TUBGCP4: variants seen among roughly 807,000 people sequenced by gnomAD.
TUBGCP4 encodes the protein gamma-tubulin complex component 4.
Under a neutral mutation model 91.6 loss-of-function variants are expected in TUBGCP4, and 54 were observed. The ratio of observed to expected loss-of-function variants is 0.59; its 90% CI spans 0.47 to 0.74. TUBGCP4 has a LOEUF of 0.74. TUBGCP4 is among the 30% of genes least tolerant of loss of function. The pLI is 0.00. For synonymous variants in TUBGCP4, 297 were observed against 302.8 expected (o/e 0.98, Z 0.20); for missense variants, 593 against 800.9 (o/e 0.74, Z 3.13).
Position 43,385,944 on chromosome 15 carries a change from C to T in TUBGCP4, c.877C>T (p.Leu293=). 1.2e-6 allele frequency: 2 copies of T among 1,614,006 alleles called. No individual in the cohort carries two copies. Among genetic ancestry groups the T allele is most frequent in the South Asian group, 2.2e-5 (2 of 91,056 alleles). The change falls in exon 8 of 18, where the codon CTG becomes TTG. Residue 293 remains leucine, a synonymous_variant. Transcript: ENST00000564079. ...VQMFENQNVN[L]TRKGSILKNQ... is the part of the protein sequence containing the mutation. ...GATGTTTGAGAATCAAAATGTGAAC[C>T]TGACTAGAAAAGGTAGAAATCTCCT... is the stretch of plus-strand genomic sequence containing the variant.
At chr15:43,390,054 A>C (rs2044440988) in intron 9 of TUBGCP4, among the ~76,000 whole-genome samples, 1 of 152,112 alleles carries the variant, frequency 6.6e-6, no homozygotes, top group South Asian at 2.1e-4. Flanking sequence ...GGAAGCTACA[A>C]TTCAAGATGA....
chr15:43,404,051 C>A, intron 16 of TUBGCP4: 1 of 538,420 alleles, frequency 1.9e-6, no homozygotes, highest in South Asian at 2.6e-5. Context: ...TTGGGTTGTT[C>A]TAACTTCCTC....
In TUBGCP4 at chr15:43,401,781, A is replaced by G. The variant is rs1192858960; in HGVS notation, c.1662A>G (p.Glu554=). The change falls in exon 15 of 18, where the codon GAA becomes GAG. Residue 554 remains glutamate, a synonymous_variant. Transcript: ENST00000564079. ...LHQINSTRDF[E]SIRLAHDHFL... ...AGATCAATTCTACCCGAGACTTTGAAAGCATCCGATTGGCTCATGACCACT... is the reference window on the plus strand; with the variant it reads ...AGATCAATTCTACCCGAGACTTTGAGAGCATCCGATTGGCTCATGACCACT... 6.2e-7 allele frequency: 1 copy of G among 1,614,004 alleles called. No homozygotes were observed. The highest frequency in any genetic ancestry group is 1.3e-5 in the African/African-American group (1 of 74,916).
chr15:43,382,796 C>T (rs2044303991), intron 6 of TUBGCP4, among the ~76,000 whole-genome samples: 1 of 152,094 alleles, frequency 6.6e-6, no homozygotes, highest in South Asian at 2.1e-4. Context: ...TCTGAATATC[C>T]TATTCCCCAA....
Position 43,407,551 on chromosome 15 carries a change from A to T in TUBGCP4, c.*2337A>T. 1 of 1,613,884 alleles carries T rather than the reference A, an allele frequency of 6.2e-7. No individual in the cohort carries two copies. The highest frequency in any genetic ancestry group is 8.5e-7 in the Non-Finnish European group (1 of 1,179,868). On this transcript the variant is annotated 3_prime_UTR_variant, in exon 18 of 18. Coordinates refer to ENST00000564079, the MANE Select transcript of TUBGCP4 (RefSeq NM_014444.5). Reference sequence around the variant, plus strand: ...ATGAGGGGTCCGTCACCACCACATCAAATACCCCTAAAGCAATATCTGCAA... The same window carrying T: ...ATGAGGGGTCCGTCACCACCACATCTAATACCCCTAAAGCAATATCTGCAA...
chr15:43,403,585 T>C, intron 15 of TUBGCP4, 98 bp from the exon 16 acceptor site: 1 of 897,350 alleles, frequency 1.1e-6, no homozygotes, highest in Non-Finnish European at 1.8e-6. Context: ...GGTCAGCTAT[T>C]AATTAGATCA....
intron 1 of TUBGCP4, among the ~76,000 whole-genome samples, chr15:43,372,362 T>C (rs574986068): frequency 1.3e-5 from 2 of 152,262 alleles, no homozygotes; most frequent in South Asian, 4.1e-4. Flanking sequence ...TCAAACAGTT[T>C]CCTTTCGTTA....
intron 15 of TUBGCP4, 61 bp downstream of exon 15, chr15:43,401,911 T>C: frequency 6.4e-7 from 1 of 1,573,782 alleles, no homozygotes; most frequent in East Asian, 2.3e-5. Flanking sequence ...CCTTAGGCAG[T>C]TTGAGTTGAC....
chr15:43,377,752 A>C (rs2044231014), intron 4 of TUBGCP4, 95 bp from the exon 5 acceptor site: 1 of 1,024,308 alleles, frequency 9.8e-7, no homozygotes, highest in African/African-American at 1.6e-5. Flanking sequence ...ATTTTATCTT[A>C]AGTTGAACTA....
At position 43,407,479 on chromosome 15, in the gene TUBGCP4, C is replaced by A; in HGVS notation, c.*2265C>A. Reference sequence around the variant, plus strand: ...ACTGGATCACCCACTCTTGTGACACCACAGGCAGCTGCAATGCTTCAGCAC... The same window carrying A: ...ACTGGATCACCCACTCTTGTGACACAACAGGCAGCTGCAATGCTTCAGCAC... On this transcript the variant is annotated 3_prime_UTR_variant, in exon 18 of 18. Coordinates refer to ENST00000564079, the MANE Select transcript of TUBGCP4 (RefSeq NM_014444.5). 6.2e-7 allele frequency: 1 copy of A among 1,614,170 alleles called. No individual in the cohort carries two copies. Among genetic ancestry groups the A allele is most frequent in the Non-Finnish European group, 8.5e-7 (1 of 1,180,018 alleles).
rs571823963 is a variant in TUBGCP4 at position 43,393,630 on chromosome 15, T to A, written c.1015-1477T>A. Among the ~76,000 whole-genome samples the A allele has an allele frequency of 2.0e-5, 3 of 152,090 alleles. No homozygotes were observed. The South Asian group carries it at 6.2e-4, about 32-fold the overall frequency. On this transcript the variant is annotated intron_variant, in intron 9 of 17. Transcript: ENST00000564079. Reference sequence around the variant, plus strand: ...CCCTACAACAGTCCCCGGTGTGTGATGTTCCCCTTCCTGTGTCCGTGTGTT... The same window carrying A: ...CCCTACAACAGTCCCCGGTGTGTGAAGTTCCCCTTCCTGTGTCCGTGTGTT...
intron 9 of TUBGCP4, among the ~76,000 whole-genome samples, chr15:43,389,548 A>G (rs1181695677): frequency 1.3e-5 from 2 of 152,128 alleles, no homozygotes; most frequent in Non-Finnish European, 2.9e-5. Context: ...TTCTGTGTCA[A>G]TTAAGGTTCA....
Position 43,407,159 on chromosome 15 carries a change from T to C in TUBGCP4, c.*1945T>C, listed in dbSNP as rs1160099003. 21 of 517,546 alleles carry C rather than the reference T, an allele frequency of 4.1e-5. No homozygotes were observed. Among genetic ancestry groups the C allele is most frequent in the Non-Finnish European group, 4.5e-5 (13 of 288,484 alleles). 32.1% of individuals were successfully genotyped at this position (517,546 alleles called of 1,614,324 possible). A position where few individuals can be genotyped will look rare whatever the true frequency, so the allele number is the denominator to read the frequency against. ...GTTGAAAGACTCAGAGAAAGTACTA[T>C]GTCTTGTCATTTGTTCTGAGATTAA... On this transcript the variant is annotated 3_prime_UTR_variant, in exon 18 of 18. Transcript: ENST00000564079.
At chr15:43,395,279 T>C in intron 10 of TUBGCP4, 122 bp downstream of exon 10, 4 of 1,125,712 alleles carry the variant, frequency 3.6e-6, no homozygotes, top group South Asian at 1.3e-5. Flanking sequence ...TCATTTGTTC[T>C]TATCCAAGTG....
At chr15:43,388,535 G>T (rs1397024347) in intron 9 of TUBGCP4, among the ~76,000 whole-genome samples, 1 of 152,100 alleles carries the variant, frequency 6.6e-6, no homozygotes. Context: ...AGTCTAGAGG[G>T]GTTGGTATCA....
intron 6 of TUBGCP4, among the ~76,000 whole-genome samples, chr15:43,381,354 C>T (rs965463258): frequency 3.3e-5 from 5 of 152,166 alleles, no homozygotes; most frequent in Non-Finnish European, 7.3e-5. Context: ...AGTTAAATAA[C>T]ACAGTCAAGT....
At position 43,409,588 on chromosome 15, in the gene TUBGCP4, C is replaced by A; in HGVS notation, c.*4374C>A. The A allele has an allele frequency of 1.0e-6, 1 of 976,976 alleles. No homozygotes were observed. The highest frequency in any genetic ancestry group is 1.5e-6 in the Non-Finnish European group (1 of 667,928). 60.5% of individuals were successfully genotyped at this position (976,976 alleles called of 1,614,324 possible). ...CAACCCCTCCCAGGCCTCTTCTCAACACAGCAAGTTGGCTCTTATCATTGC... is the reference window on the plus strand; with the variant it reads ...CAACCCCTCCCAGGCCTCTTCTCAAAACAGCAAGTTGGCTCTTATCATTGC... On this transcript the variant is annotated 3_prime_UTR_variant, in exon 18 of 18. Coordinates refer to ENST00000564079, the MANE Select transcript of TUBGCP4 (RefSeq NM_014444.5).
At chr15:43,382,550 A>G (rs953008520) in intron 6 of TUBGCP4, among the ~76,000 whole-genome samples, 3 of 152,178 alleles carry the variant, frequency 2.0e-5, no homozygotes, top group Non-Finnish European at 4.4e-5. Context: ...ATCTGGATTT[A>G]TTGTTTCCCT....
chr15:43,404,738 A>T, intron 17 of TUBGCP4, 186 bp downstream of exon 17: 1 of 653,446 alleles, frequency 1.5e-6, no homozygotes, highest in South Asian at 2.3e-5. Flanking sequence ...AGTCATCATC[A>T]TCATAAAATA....
Sources: gnomAD v4.1 joint callset for allele counts (sites outside exome capture counted in the v4.1 genomes callset) on GRCh38, gnomAD v4.1.1 for gene constraint, MANE v1.5 for transcripts, NCBI Gene and HGNC (gene_info 2026-07-23, HGNC 2026-07-21) for gene names.